The following PIGV variants were observed in gnomAD, a reference collection of about 807,000 sequenced individuals.
The protein encoded by PIGV is phosphatidylinositol glycan anchor biosynthesis class V.
In PIGV, 27 loss-of-function variants were observed where a neutral mutation model predicts 39.2. The ratio of observed to expected loss-of-function variants is 0.69; its 90% CI spans 0.51 to 0.95. The LOEUF (loss-of-function observed/expected upper bound fraction) is 0.95. Among genes scored for constraint, PIGV ranks in the 40% least tolerant of loss-of-function variants. The probability of loss-of-function intolerance (pLI) is 0.00; values close to 1 mark genes in which losing one functional copy is unlikely to be tolerated. For missense variants in PIGV, 523 were observed against 586.4 expected (o/e 0.89, Z 1.12); for synonymous variants, 232 against 241.7 (o/e 0.96, Z 0.37).
In PIGV at chr1:26,797,574, G is replaced by C; in HGVS notation, c.1212G>C (p.Arg404Ser). 1 of 1,614,002 alleles carries C rather than the reference G, an allele frequency of 6.2e-7. No homozygotes were observed. Among genetic ancestry groups the C allele is most frequent in the South Asian group, 1.1e-5 (1 of 91,062 alleles). The change falls in exon 4 of 4, where the codon AGG (arginine) becomes AGC (serine). Residue 404 changes from arginine to serine, a missense_variant. Coordinates refer to ENST00000674202, the MANE Select transcript of PIGV (RefSeq NM_017837.4). ...CTCATGATTTCTAGGTTCTCACCAG[G>C]TTTTTGGGCTCCTCCACTCCTATTA... ...GLCMHVQVLT[R>S]FLGSSTPIMY...
chr1:26,787,764 GA>G, upstream of PIGV: 1 of 152,580 alleles, frequency 6.6e-6, no homozygotes, highest in Non-Finnish European at 1.5e-5. Context: ...GGGGGGCCTT[GA>G]AGGAGAGCGA....
intron 1 of PIGV, among the ~76,000 whole-genome samples, chr1:26,790,048 C>T (rs967862733): frequency 6.6e-6 from 1 of 152,194 alleles, no homozygotes; most frequent in Non-Finnish European, 1.5e-5. Context: ...TTTCTCCATC[C>T]CTGGTAGTCT....
At chr1:26,792,736 C>CT (rs897595893) in intron 2 of PIGV, among the ~76,000 whole-genome samples, 2 of 152,240 alleles carry the variant, frequency 1.3e-5, no homozygotes, top group Non-Finnish European at 2.9e-5. Flanking sequence ...GCTGTCGTCT[C>CT]TGTCAGTGAC....
At chr1:26,796,330 G>A (rs1412925154) in intron 3 of PIGV, among the ~76,000 whole-genome samples, 1 of 151,932 alleles carries the variant, frequency 6.6e-6, no homozygotes, top group Non-Finnish European at 1.5e-5. Flanking sequence ...CACCATGCCT[G>A]GCTAATTTTT....
Position 26,797,770 on chromosome 1 carries a change from T to A in PIGV, c.1408T>A (p.Tyr470Asn). 6.2e-7 allele frequency: 1 copy of A among 1,613,994 alleles called. No homozygotes were observed. Among genetic ancestry groups the A allele is most frequent in the Non-Finnish European group, 8.5e-7 (1 of 1,179,846 alleles). ...GAAAACCTGTTCTCCAGTCACACGATACATTCTAGGCTACTTCCTGACTTA... is the reference window on the plus strand; with the variant it reads ...GAAAACCTGTTCTCCAGTCACACGAAACATTCTAGGCTACTTCCTGACTTA... The part of the protein sequence containing the change: ...HWKTCSPVTR[Y>N]ILGYFLTYWL... The change falls in exon 4 of 4, where the codon TAC (tyrosine) becomes AAC (asparagine). Residue 470 changes from tyrosine to asparagine, a missense_variant. Tyr to Asn is a moderately radical substitution (Grantham distance 143). Transcript: ENST00000674202.
chr1:26,789,775 G>A (rs369280687), intron 1 of PIGV, among the ~76,000 whole-genome samples: 3 of 152,112 alleles, frequency 2.0e-5, no homozygotes, highest in Non-Finnish European at 4.4e-5. Context: ...TCTTCCAGCC[G>A]TCCTCCTTAA....
chr1:26,797,000 A>G (rs2081392801), intron 3 of PIGV, among the ~76,000 whole-genome samples: 1 of 152,204 alleles, frequency 6.6e-6, no homozygotes, highest in Non-Finnish European at 1.5e-5. Flanking sequence ...TCCAAGCTGT[A>G]TGGATAAGAG....
intron 1 of PIGV, chr1:26,788,907 C>T (rs1203480732): frequency 1.3e-5 from 2 of 152,232 alleles, no homozygotes; most frequent in African/African-American, 2.4e-5. Context: ...GGAGAATTGA[C>T]TAGCTTTGTT....
At chr1:26,791,465 C>T (rs2081309190) in intron 2 of PIGV, among the ~76,000 whole-genome samples, 1 of 152,186 alleles carries the variant, frequency 6.6e-6, no homozygotes, top group East Asian at 1.9e-4. Context: ...CCTTGATACA[C>T]ATTTTAATAA....
chr1:26,792,732 GTC>G (rs1489542900), intron 2 of PIGV, among the ~76,000 whole-genome samples: 1 of 152,158 alleles, frequency 6.6e-6, no homozygotes, highest in Non-Finnish European at 1.5e-5. Context: ...TGCTGCTGTC[GTC>G]TCTGTCAGTG....
intron 3 of PIGV, among the ~76,000 whole-genome samples, chr1:26,796,377 C>A (rs762254043): frequency 6.6e-6 from 1 of 152,064 alleles, no homozygotes; most frequent in East Asian, 1.9e-4. Context: ...ACCGTGTGAG[C>A]CAGGATGGTC....
chr1:26,790,702 T>C, intron 1 of PIGV, 57 bp from the exon 2 acceptor site: 1 of 812,610 alleles, frequency 1.2e-6, no homozygotes. Flanking sequence ...CAGTGACGAA[T>C]GCTTTCAAGA....
chr1:26,790,654 G>T, intron 1 of PIGV, 105 bp from the exon 2 acceptor site: 1 of 646,644 alleles, frequency 1.5e-6, no homozygotes, highest in East Asian at 2.7e-5. Flanking sequence ...TTAGGTGGTT[G>T]GTTAAGTTTG....
At chr1:26,795,736 T>A (rs1483193944) in intron 3 of PIGV, among the ~76,000 whole-genome samples, 25 of 137,176 alleles carry the variant, frequency 1.8e-4, no homozygotes, top group Non-Finnish European at 2.4e-4. Flanking sequence ...AAAAAAAAAA[T>A]TACTGCCTTG....
intron 1 of PIGV, 128 bp downstream of exon 1, chr1:26,788,396 T>C (rs933389379): frequency 1.3e-5 from 2 of 152,162 alleles, no homozygotes; most frequent in Admixed American, 6.5e-5. Flanking sequence ...GGACCCTGGG[T>C]CAGAGCGACT....
intron 2 of PIGV, among the ~76,000 whole-genome samples, chr1:26,792,375 C>T (rs1054184836): frequency 6.7e-6 from 1 of 149,412 alleles, no homozygotes; most frequent in Admixed American, 6.7e-5. Context: ...GGCCGGACTG[C>T]GGACTGCAGT....
At chr1:26,787,151 GAGA>G (rs1406848510), upstream of PIGV, among the ~76,000 whole-genome samples, 2 of 152,210 alleles carry the variant, frequency 1.3e-5, no homozygotes, top group African/African-American at 4.8e-5. Context: ...TCCACCAACG[GAGA>G]AGGATTTATC....
At chr1:26,791,011 A>T (rs1316803573) in intron 2 of PIGV, 118 bp downstream of exon 2, 5 of 813,100 alleles carry the variant, frequency 6.1e-6, no homozygotes, top group Non-Finnish European at 1.1e-5. Context: ...GGTTGGAACC[A>T]CAGAGACATA....
chr1:26,793,079 CCT>C (rs2081333322), intron 2 of PIGV, among the ~76,000 whole-genome samples: 1 of 152,182 alleles, frequency 6.6e-6, no homozygotes, highest in South Asian at 2.1e-4. Flanking sequence ...AACCGTCTGT[CCT>C]CTTCTCTAAG....
Sources: allele counts gnomAD v4.1 joint callset (sites outside exome capture counted in the v4.1 genomes callset), GRCh38; gene constraint gnomAD v4.1.1; transcripts MANE v1.5; gene names NCBI Gene and HGNC (gene_info 2026-07-23, HGNC 2026-07-21).